The following ANKDD1B variants were observed in gnomAD, a reference collection of about 807,000 sequenced individuals.
The protein encoded by ANKDD1B is ankyrin repeat and death domain-containing protein 1B.
ANKDD1B carries 57 observed loss-of-function variants against 59.7 expected under a neutral mutation model. That is an observed-to-expected ratio of 0.95 (90% CI 0.77 to 1.19). ANKDD1B has a LOEUF of 1.19. Among genes scored for constraint, ANKDD1B ranks in the 50% most tolerant of loss-of-function variants. The probability of loss-of-function intolerance (pLI) is 0.00; values close to 1 mark genes in which losing one functional copy is unlikely to be tolerated. For synonymous variants in ANKDD1B, 216 were observed against 239.5 expected (o/e 0.90, Z 0.91); for missense variants, 602 against 641.9 (o/e 0.94, Z 0.67).
At chr5:75,615,661 G>T (rs1197216687) in intron 1 of ANKDD1B, among the ~76,000 whole-genome samples, 1 of 142,130 alleles carries the variant, frequency 7.0e-6, no homozygotes, top group Admixed American at 6.8e-5. Context: ...CCTTCACCTG[G>T]TCTTCCCTGT....
intron 12 of ANKDD1B, among the ~76,000 whole-genome samples, chr5:75,668,003 T>A (rs912303434): frequency 1.6e-4 from 25 of 152,286 alleles, no homozygotes; most frequent in Non-Finnish European, 3.1e-4. Flanking sequence ...ACTAGAAAAA[T>A]TTTTTTATTG....
chr5:75,635,522 A>T, intron 6 of ANKDD1B: 1 of 312,530 alleles, frequency 3.2e-6, no homozygotes. Context: ...TTGTTGCTCC[A>T]TGTTTTGCTA....
Position 75,671,336 on chromosome 5 carries a change from A to C in ANKDD1B, c.*296A>C, listed in dbSNP as rs1775478065. ...TTTGTATGTCATGTTTTTTTAAAAA[A>C]CTCATGGGAGCAGCATCATGGTACA... On this transcript the variant is annotated 3_prime_UTR_variant, in exon 14 of 14. Coordinates refer to ENST00000601380, the MANE Select transcript of ANKDD1B (RefSeq NM_001276713.2). 4.5e-6 allele frequency: 1 copy of C among 220,514 alleles called. No homozygotes were observed. Among genetic ancestry groups the C allele is most frequent in the Non-Finnish European group, 8.8e-6 (1 of 113,132 alleles). 13.7% of individuals were successfully genotyped at this position (220,514 alleles called of 1,614,324 possible).
intron 12 of ANKDD1B, among the ~76,000 whole-genome samples, chr5:75,668,809 A>C (rs560735489): frequency 1.1e-3 from 175 of 152,280 alleles, no homozygotes; most frequent in African/African-American, 4.1e-3. Context: ...TGCTGCTCAG[A>C]GTGGGGAATA....
At position 75,635,851 on chromosome 5, in the gene ANKDD1B, CCCAG is replaced by C. The variant is rs200681566; in HGVS notation, c.768_771del (p.Gln257GlyfsTer4). ...AGTCCTGCAGTGCAGGTGCTGCTAG[CCCAG>C]TGGCAAGACATAAATGAGATGAATG... is the stretch of plus-strand genomic sequence containing the variant. On this transcript the variant is annotated frameshift_variant, in exon 7 of 14. Coordinates refer to ENST00000601380, the MANE Select transcript of ANKDD1B (RefSeq NM_001276713.2). LOFTEE classifies it high-confidence loss of function. 4.5e-3 allele frequency: 6,971 copies of C among 1,533,348 alleles called. 253 individuals carry two copies. In the African/African-American group the frequency reaches 0.077, roughly 17 times the overall value. 95.0% of individuals were successfully genotyped at this position (1,533,348 alleles called of 1,614,324 possible). A position where few individuals can be genotyped will look rare whatever the true frequency, so the allele number is the denominator to read the frequency against.
rs188018060 is a variant in ANKDD1B, at chr5:75,625,345, G to A, written c.397-302G>A. Among the ~76,000 whole-genome samples, 224 of 152,210 alleles carry A rather than the reference G, an allele frequency of 1.5e-3. 1 individual carries two copies. Among genetic ancestry groups the A allele is most frequent in the Admixed American group, 7.4e-3 (113 of 15,288 alleles). On this transcript the variant is annotated intron_variant, in intron 3 of 13. Coordinates refer to ENST00000601380, the MANE Select transcript of ANKDD1B (RefSeq NM_001276713.2). ...TATCTGTTCTAACTCTGGATTAAGA[G>A]ACTATACATTATAGTCTGGATTTTA...
intron 10 of ANKDD1B, among the ~76,000 whole-genome samples, chr5:75,662,764 G>C (rs1775193951): frequency 6.6e-6 from 1 of 151,934 alleles, no homozygotes; most frequent in African/African-American, 2.4e-5. Context: ...ATTATGTCCA[G>C]AACAGCCCTT....
intron 7 of ANKDD1B, among the ~76,000 whole-genome samples, chr5:75,640,219 A>G (rs1206064811): frequency 1.3e-5 from 2 of 151,798 alleles, no homozygotes; most frequent in African/African-American, 2.4e-5. Context: ...AATTTTTTAA[A>G]CTTTTTGTAG....
chr5:75,649,127 G>C (rs1458793396), intron 7 of ANKDD1B, among the ~76,000 whole-genome samples: 1 of 151,700 alleles, frequency 6.6e-6, no homozygotes, highest in Admixed American at 6.6e-5. Context: ...ACTCATTCCT[G>C]GAGGTCCTAC....
chr5:75,622,119 C>A (rs548525557), intron 3 of ANKDD1B, among the ~76,000 whole-genome samples: 1 of 152,290 alleles, frequency 6.6e-6, no homozygotes, highest in East Asian at 1.9e-4. Flanking sequence ...AGTTCTAACA[C>A]CATTTGCAAA....
chr5:75,621,750 G>A (rs1032409593), intron 3 of ANKDD1B, among the ~76,000 whole-genome samples: 4 of 152,180 alleles, frequency 2.6e-5, no homozygotes, highest in African/African-American at 9.6e-5. Context: ...ACTGGTTTGT[G>A]TCAGAGTGCA....
chr5:75,632,973 A>G (rs77882557), intron 5 of ANKDD1B, among the ~76,000 whole-genome samples: 1,796 of 152,238 alleles, frequency 0.012, 40 homozygotes, highest in African/African-American at 0.037. Flanking sequence ...AGATGTTTTC[A>G]TCTGGTATAT....
At chr5:75,622,140 T>C (rs1177732868) in intron 3 of ANKDD1B, among the ~76,000 whole-genome samples, 3 of 152,164 alleles carry the variant, frequency 2.0e-5, no homozygotes, top group Admixed American at 6.5e-5. Flanking sequence ...GAGCCAACAG[T>C]TGATCCCCTT....
chr5:75,618,737 T>G (rs1165653948), intron 2 of ANKDD1B, among the ~76,000 whole-genome samples: 3 of 151,992 alleles, frequency 2.0e-5, no homozygotes, highest in Non-Finnish European at 2.9e-5. Context: ...AACTGATGGG[T>G]TTTTTTGTTT....
At chr5:75,668,810 G>A (rs1387494756) in intron 12 of ANKDD1B, among the ~76,000 whole-genome samples, 1 of 152,234 alleles carries the variant, frequency 6.6e-6, no homozygotes, top group African/African-American at 2.4e-5. Flanking sequence ...GCTGCTCAGA[G>A]TGGGGAATAT....
At position 75,614,737 on chromosome 5, in the gene ANKDD1B, A is replaced by G. The variant is rs12652024; in HGVS notation, c.194-2067A>G. On this transcript the variant is annotated intron_variant, in intron 1 of 13. Coordinates refer to ENST00000601380, the MANE Select transcript of ANKDD1B (RefSeq NM_001276713.2). ...TCCAGGCTGGGTTATGGGCTTACAC[A>G]TGTGACCAGGTAGAAGAGAAGAAGC... Among the ~76,000 whole-genome samples the G allele has an allele frequency of 1.3e-3, 194 of 152,338 alleles. 1 individual carries two copies. The East Asian group carries it at 0.029, about 23-fold the overall frequency.
In ANKDD1B at chr5:75,635,787, G is replaced by C. The variant is rs757846687; in HGVS notation, c.703G>C (p.Gly235Arg). Residue 235 changes from glycine (G) to arginine (R), a missense_variant, in exon 7 of 14, where the codon GGA becomes CGA. Physicochemically the swap from Gly to Arg is moderately radical, Grantham distance 125. Around this residue, in one of 3 missense-constraint regions of ANKDD1B, gnomAD observed 317 missense variants for 304.6 expected, o/e 1.04. Coordinates refer to ENST00000601380, the MANE Select transcript of ANKDD1B (RefSeq NM_001276713.2). Reference sequence around the variant, plus strand: ...GTCGAGTGTGTCTCTGTTGCAGGGGGGAAACACTGCCTTGCACCTCGCTGC... The same window carrying C: ...GTCGAGTGTGTCTCTGTTGCAGGGGCGAAACACTGCCTTGCACCTCGCTGC... ...NLHTSEKDKG[G>R]NTALHLAAKH... 24 of 1,527,796 alleles carry C rather than the reference G, an allele frequency of 1.6e-5. No homozygotes were observed. In the South Asian group the frequency reaches 2.9e-4, roughly 18 times the overall value. 94.6% of individuals were successfully genotyped at this position (1,527,796 alleles called of 1,614,324 possible). A position where few individuals can be genotyped will look rare whatever the true frequency, so the allele number is the denominator to read the frequency against.
intron 13 of ANKDD1B, 83 bp downstream of exon 13, chr5:75,669,466 T>C: frequency 8.6e-7 from 1 of 1,166,116 alleles, no homozygotes. Flanking sequence ...CCTGACCAGC[T>C]ACAGCCCCAG....
intron 7 of ANKDD1B, among the ~76,000 whole-genome samples, chr5:75,650,740 T>C (rs1256846973): frequency 6.6e-6 from 1 of 152,190 alleles, no homozygotes; most frequent in Non-Finnish European, 1.5e-5. Context: ...TGTTCCATTA[T>C]CTATTGCTTC....
Sources: gnomAD v4.1 joint callset for allele counts (sites outside exome capture counted in the v4.1 genomes callset) on GRCh38, gnomAD v4.1.1 for gene constraint, gnomAD v4.1.1 regional missense constraint, MANE v1.5 for transcripts, NCBI Gene and HGNC (gene_info 2026-07-23, HGNC 2026-07-21) for gene names.